MALRD1: variants seen among roughly 807,000 people sequenced by gnomAD.
MALRD1 encodes MAM and LDL-receptor class A domain-containing protein 1.
In MALRD1, 247 loss-of-function variants were observed where a neutral mutation model predicts 242.1. The observed-to-expected ratio is 1.02, with a 90% CI of 0.92 to 1.13. The LOEUF (loss-of-function observed/expected upper bound fraction) is 1.13. Ranked by LOEUF, MALRD1 falls within the 50% of genes most tolerant of loss-of-function variation. The probability of loss-of-function intolerance (pLI) is 0.00; values close to 1 mark genes in which losing one functional copy is unlikely to be tolerated. For missense variants in MALRD1, 2,989 were observed against 2,533.1 expected (o/e 1.18, Z -3.86); for synonymous variants, 995 against 866.6 (o/e 1.15, Z -2.60).
chr10:19,307,528 T>G (rs1281881184), intron 21 of MALRD1, among the ~76,000 whole-genome samples: 2 of 151,258 alleles, frequency 1.3e-5, no homozygotes, highest in Non-Finnish European at 3.0e-5. Flanking sequence ...TAACTCGGGG[T>G]GTGGATGAGA....
intron 24 of MALRD1, among the ~76,000 whole-genome samples, chr10:19,335,673 G>T (rs1461197599): frequency 6.6e-6 from 1 of 152,106 alleles, no homozygotes. Flanking sequence ...TCTAAGTAAA[G>T]CTTGAACACA....
At chr10:19,361,563 G>A (rs118074295) in intron 26 of MALRD1, among the ~76,000 whole-genome samples, 1 of 152,222 alleles carries the variant, frequency 6.6e-6, no homozygotes, top group East Asian at 1.9e-4. Context: ...TCATTATTAT[G>A]TGCTACGTAA....
intron 2 of MALRD1, among the ~76,000 whole-genome samples, chr10:19,083,678 C>T (rs1041139603): frequency 6.6e-6 from 1 of 151,938 alleles, no homozygotes; most frequent in African/African-American, 2.4e-5. Context: ...TGAAAAAGGT[C>T]TAGCACCATT....
intron 5 of MALRD1, among the ~76,000 whole-genome samples, chr10:19,119,239 A>G (rs1317702484): frequency 2.6e-5 from 4 of 152,092 alleles, no homozygotes; most frequent in African/African-American, 9.7e-5. Flanking sequence ...GTGGGAAGAG[A>G]AAGTTTATGT....
Position 19,626,122 on chromosome 10 carries a change from C to T in MALRD1, c.6137+10199C>T, listed in dbSNP as rs546036114. ...TTTCAAATCTAACTTATGGAAAAGA[C>T]AATTTTGTAGAGAAACATAAATTAC... On this transcript the variant is annotated intron_variant, in intron 36 of 39. Coordinates refer to ENST00000454679, the MANE Select transcript of MALRD1 (RefSeq NM_001142308.3). 2.6e-5 allele frequency among the ~76,000 whole-genome samples: 4 copies of T among 152,042 alleles called. No homozygotes were observed. The South Asian group carries it at 8.3e-4, about 32-fold the overall frequency.
intron 31 of MALRD1, among the ~76,000 whole-genome samples, chr10:19,525,083 T>C (rs1424233191): frequency 6.6e-6 from 1 of 151,570 alleles, no homozygotes; most frequent in Admixed American, 6.6e-5. Flanking sequence ...TTTTTTTTTT[T>C]TTTGTATTTT....
intron 39 of MALRD1, among the ~76,000 whole-genome samples, chr10:19,730,982 G>A (rs909712754): frequency 6.6e-6 from 1 of 152,154 alleles, no homozygotes; most frequent in Admixed American, 6.5e-5. Flanking sequence ...TCCATTTCAG[G>A]ACAGTTTCAG....
At chr10:19,205,352 G>A (rs919241219) in intron 17 of MALRD1, 87 bp downstream of exon 17, 50 of 1,408,558 alleles carry the variant, frequency 3.5e-5, no homozygotes, top group Non-Finnish European at 4.4e-5. Context: ...CAATCAAACC[G>A]ATAACAGTAA....
intron 30 of MALRD1, among the ~76,000 whole-genome samples, chr10:19,495,155 T>A (rs1258425324): frequency 1.3e-5 from 2 of 152,028 alleles, no homozygotes; most frequent in Non-Finnish European, 2.9e-5. Context: ...TTTTCTATTT[T>A]TAGTAGAGAT....
At position 19,331,472 on chromosome 10, in the gene MALRD1, G is replaced by A. The variant is rs1427037204; in HGVS notation, c.3791G>A (p.Cys1264Tyr). The A allele has an allele frequency of 6.4e-7, 1 of 1,550,452 alleles. No individual in the cohort carries two copies. Among genetic ancestry groups the A allele is most frequent in the Non-Finnish European group, 8.7e-7 (1 of 1,146,840 alleles). The change falls in exon 24 of 40, where the codon TGT becomes TAT. Residue 1264 changes from cysteine (C) to tyrosine (Y), a missense_variant. By Grantham distance (194) the Cys-to-Tyr change is radical. Transcript: ENST00000454679. ...CCTTTGCTTAGCCCAGAGAGAAAGT[G>A]TACTGATCATGAATTCATGTGTGCT... ...CSPLLSPERK[C>Y]TDHEFMCANK...
At position 19,645,912 on chromosome 10, in the gene MALRD1, AT is replaced by A. The variant is rs769031382; in HGVS notation, c.6137+29998del. Among the ~76,000 whole-genome samples, 404 of 151,772 alleles carry A rather than the reference AT, an allele frequency of 2.7e-3. 3 individuals are homozygous for A. Among genetic ancestry groups the A allele is most frequent in the African/African-American group, 9.2e-3 (380 of 41,392 alleles). On this transcript the variant is annotated intron_variant, in intron 36 of 39. Transcript: ENST00000454679. ...AAAAGAAATGGATAGGAGTCAAATT[AT>A]TTTTTTTTATTTTTAAATAGTAAAT...
chr10:19,565,245 G>T (rs1836200911), intron 32 of MALRD1, among the ~76,000 whole-genome samples: 1 of 152,092 alleles, frequency 6.6e-6, no homozygotes, highest in Non-Finnish European at 1.5e-5. Context: ...AGTAGAGTAG[G>T]AAGAGAATGG....
At chr10:19,060,175 G>T (rs982596564) in intron 1 of MALRD1, among the ~76,000 whole-genome samples, 1 of 152,128 alleles carries the variant, frequency 6.6e-6, no homozygotes, top group Non-Finnish European at 1.5e-5. Flanking sequence ...ATGTGCTTGT[G>T]TGTGTACCCA....
At chr10:19,647,626 A>G (rs1840711119) in intron 36 of MALRD1, among the ~76,000 whole-genome samples, 1 of 152,172 alleles carries the variant, frequency 6.6e-6, no homozygotes. Flanking sequence ...ATATAGGGAG[A>G]ACCTAAGTAA....
chr10:19,370,039 T>C (rs1845305587), intron 26 of MALRD1, among the ~76,000 whole-genome samples: 1 of 152,186 alleles, frequency 6.6e-6, no homozygotes, highest in Non-Finnish European at 1.5e-5. Flanking sequence ...GAGTTTTAGC[T>C]TTTACATATA....
chr10:19,459,280 AAGT>A (rs1432958234), intron 29 of MALRD1, among the ~76,000 whole-genome samples: 1 of 152,170 alleles, frequency 6.6e-6, no homozygotes, highest in Non-Finnish European at 1.5e-5. Context: ...CCTTTTGAGG[AAGT>A]ACCCTCAGTG....
At chr10:19,177,133 GC>G (rs1469537706) in intron 14 of MALRD1, among the ~76,000 whole-genome samples, 1 of 151,788 alleles carries the variant, frequency 6.6e-6, no homozygotes, top group Non-Finnish European at 1.5e-5. Context: ...AAAAAAATTA[GC>G]CAGGGCATGG....
chr10:19,405,246 A>G (rs1397763999), intron 28 of MALRD1, among the ~76,000 whole-genome samples: 3 of 152,142 alleles, frequency 2.0e-5, no homozygotes, highest in Non-Finnish European at 4.4e-5. Flanking sequence ...AATATGAACA[A>G]AATTATTACC....
At chr10:19,109,651 C>T (rs939255729) in intron 5 of MALRD1, among the ~76,000 whole-genome samples, 1 of 152,146 alleles carries the variant, frequency 6.6e-6, no homozygotes, top group African/African-American at 2.4e-5. Context: ...TGGCACACTA[C>T]CAAGTGGGAG....
Sources: allele counts gnomAD v4.1 joint callset (sites outside exome capture counted in the v4.1 genomes callset), GRCh38; gene constraint gnomAD v4.1.1; transcripts MANE v1.5; gene names NCBI Gene and HGNC (gene_info 2026-07-23, HGNC 2026-07-21).